Variants in MARCHF8 observed in about 807,000 individuals in gnomAD.
The protein encoded by MARCHF8 is membrane associated ring-CH-type finger 8, also known as E3 ubiquitin-protein ligase MARCHF8.
In MARCHF8, 40 loss-of-function variants were observed where a neutral mutation model predicts 51.6. The observed-to-expected ratio is 0.77, with a 90% CI of 0.60 to 1.01. The LOEUF (loss-of-function observed/expected upper bound fraction) is 1.01, where lower values mean the gene tolerates loss of function less well. MARCHF8 is among the 50% of genes least tolerant of loss of function. The pLI is 0.00. For synonymous variants in MARCHF8, 263 were observed against 280.3 expected (o/e 0.94, Z 0.62); for missense variants, 685 against 708.6 (o/e 0.97, Z 0.38).
intron 2 of MARCHF8, among the ~76,000 whole-genome samples, chr10:45,505,334 A>G (rs1055331846): frequency 3.9e-5 from 6 of 152,242 alleles, no homozygotes; most frequent in Non-Finnish European, 7.3e-5. Flanking sequence ...CCCTGTGGCA[A>G]GAGACTGCCT....
chr10:45,533,599 G>GAAAAAA (rs2043925705), intron 1 of MARCHF8, among the ~76,000 whole-genome samples: 2 of 151,892 alleles, frequency 1.3e-5, no homozygotes, highest in Non-Finnish European at 2.9e-5. Flanking sequence ...GAATATTTTT[G>GAAAAAA]AAGTTAAACT....
upstream of MARCHF8, among the ~76,000 whole-genome samples, chr10:45,536,232 C>T (rs553945860): frequency 6.6e-6 from 1 of 151,900 alleles, no homozygotes; most frequent in Non-Finnish European, 1.5e-5. Context: ...GAATTTAGGG[C>T]CCAGAAATAA....
At chr10:45,577,181 C>T (rs1323421132) in intron 1 of MARCHF8, among the ~76,000 whole-genome samples, 1 of 151,268 alleles carries the variant, frequency 6.6e-6, no homozygotes, top group African/African-American at 2.4e-5. Context: ...AACAATTGTA[C>T]TAATGAACAT....
rs375358585 is a variant in MARCHF8, at chr10:45,589,819, A to G, written c.-79+4416T>C. Among the ~76,000 whole-genome samples the G allele has an allele frequency of 7.0e-4, 106 of 152,316 alleles. 1 individual carries two copies. The highest frequency in any genetic ancestry group is 2.4e-3 in the African/African-American group (100 of 41,572). ...TTATTTAAACCATTCATCAGTTGAT[A>G]TATGTTTGAGTTGTTTCAACTTTTT... On this transcript the variant is annotated intron_variant, in intron 1 of 6. Transcript: ENST00000319836.
chr10:45,538,490 C>T (rs2044005408), upstream of MARCHF8, among the ~76,000 whole-genome samples: 1 of 152,092 alleles, frequency 6.6e-6, no homozygotes, highest in African/African-American at 2.4e-5. Context: ...AGTAAATGGA[C>T]TAAATGCTCC....
chr10:45,511,467 G>C (rs1354168054), intron 2 of MARCHF8, among the ~76,000 whole-genome samples: 1 of 152,180 alleles, frequency 6.6e-6, no homozygotes, highest in Non-Finnish European at 1.5e-5. Flanking sequence ...AGCCGAAGCT[G>C]GACTGTACTG....
At chr10:45,555,743 C>CA (rs34811393) in intron 1 of MARCHF8, among the ~76,000 whole-genome samples, 15,546 of 95,876 alleles carry the variant, frequency 0.16, 1,129 homozygotes, top group Middle Eastern at 0.23. Context: ...GACCCTGTCT[C>CA]AAAAAAAAAA....
chr10:45,555,960 T>C (rs9422655), intron 1 of MARCHF8, among the ~76,000 whole-genome samples: 9,387 of 152,162 alleles, frequency 0.062, 329 homozygotes, highest in Non-Finnish European at 0.067. Flanking sequence ...TCTGTACTAG[T>C]ATTCCAGCGA....
chr10:45,504,017 T>C lies in MARCHF8; in HGVS notation c.103-14600A>G, dbSNP rs2133157588. Among the ~76,000 whole-genome samples, 3 of 152,310 alleles carry C rather than the reference T, an allele frequency of 2.0e-5. 1 individual carries two copies. The Middle Eastern group carries it at 0.01, about 518-fold the overall frequency. ...TGCTAATGGGTAGAGGGTTTCATTT[T>C]CGGGTGATGAAAATGTTCTGGACTG... On this transcript the variant is annotated intron_variant, in intron 2 of 7. Coordinates refer to ENST00000453424, the MANE Select transcript of MARCHF8 (RefSeq NM_001282866.2).
rs761096272 is a variant in MARCHF8 at position 45,463,212 on chromosome 10, A to G, written c.1027T>C (p.Ser343Pro). 84 of 1,550,520 alleles carry G rather than the reference A, an allele frequency of 5.4e-5. No homozygotes were observed. The Middle Eastern group carries it at 2.7e-3, about 49-fold the overall frequency. The change falls in exon 5 of 8, where the codon TCT becomes CCT. Residue 343 changes from serine (S) to proline (P), a missense_variant. By Grantham distance (74) the Ser-to-Pro change is moderately conservative (BLOSUM62 -1). Transcript: ENST00000453424. ...TEKDSDLDCP[S>P]PFSEKLPPIS... ...GGGGGTAATTTTTCAGAGAAGGGAG[A>G]AGGACAATCCAGGTCGCTGTCCTTT...
At chr10:45,546,229 C>T (rs1270354876) in intron 1 of MARCHF8, among the ~76,000 whole-genome samples, 5 of 151,912 alleles carry the variant, frequency 3.3e-5, no homozygotes, top group Admixed American at 2.0e-4. Flanking sequence ...GGTGCAATCT[C>T]GGCTCACTGA....
At chr10:45,580,445 C>T (rs1197976477) in intron 1 of MARCHF8, among the ~76,000 whole-genome samples, 2 of 152,096 alleles carry the variant, frequency 1.3e-5, no homozygotes, top group African/African-American at 4.8e-5. Flanking sequence ...TGTGAACTAC[C>T]ACCGCTTACA....
intron 3 of MARCHF8, among the ~76,000 whole-genome samples, chr10:45,483,798 A>G (rs2042931814): frequency 7.8e-6 from 1 of 128,296 alleles, no homozygotes; most frequent in Non-Finnish European, 1.7e-5. Context: ...CAGACACAGA[A>G]AGACAAATAT....
At chr10:45,554,534 A>T (rs1272601557) in intron 1 of MARCHF8, among the ~76,000 whole-genome samples, 1 of 152,174 alleles carries the variant, frequency 6.6e-6, no homozygotes, top group Non-Finnish European at 1.5e-5. Context: ...GAGCCTGGAC[A>T]TCTTGTCACA....
intron 2 of MARCHF8, among the ~76,000 whole-genome samples, chr10:45,529,429 T>TCAAA (rs1481261512): frequency 1.3e-5 from 2 of 152,154 alleles, no homozygotes; most frequent in Non-Finnish European, 2.9e-5. Flanking sequence ...AATTCATGCC[T>TCAAA]AGGACCTCAA....
rs879445379 is a variant in MARCHF8, at chr10:45,455,281, CT to C, written c.*2957del. The stretch of plus-strand genomic sequence containing the variant: ...TTAGAGGCCTACAGTAGGAAGAGAC[CT>C]TTTATAGAGTTTTCAGGAAATTCTC... On this transcript the variant is annotated 3_prime_UTR_variant, in exon 8 of 8. Coordinates refer to ENST00000453424, the MANE Select transcript of MARCHF8 (RefSeq NM_001282866.2). 4.6e-5 allele frequency: 7 copies of C among 152,208 alleles called. No individual in the cohort carries two copies. The highest frequency in any genetic ancestry group is 4.6e-4 in the Admixed American group (7 of 15,274). 9.4% of individuals were successfully genotyped at this position (152,208 alleles called of 1,614,324 possible).
chr10:45,512,580 C>T (rs1209223678), intron 2 of MARCHF8, among the ~76,000 whole-genome samples: 5 of 146,964 alleles, frequency 3.4e-5, no homozygotes, highest in African/African-American at 1.3e-4. Context: ...CCCGGCCAGC[C>T]GCCCAGTCCG....
At chr10:45,534,435 A>T (rs1287570500) in intron 1 of MARCHF8, among the ~76,000 whole-genome samples, 4 of 151,816 alleles carry the variant, frequency 2.6e-5, no homozygotes, top group African/African-American at 9.7e-5. Context: ...GATTCCAGGT[A>T]CTCCTGCCCT....
chr10:45,552,292 A>C (rs547156573), intron 1 of MARCHF8, among the ~76,000 whole-genome samples: 1 of 150,470 alleles, frequency 6.6e-6, no homozygotes, highest in Admixed American at 6.6e-5. Context: ...ACTAACTGGC[A>C]CACAGGTGGT....
Sources: allele counts gnomAD v4.1 joint callset (sites outside exome capture counted in the v4.1 genomes callset), GRCh38; gene constraint gnomAD v4.1.1; transcripts MANE v1.5; gene names NCBI Gene and HGNC (gene_info 2026-07-23, HGNC 2026-07-21).